The following AUH variants were observed in gnomAD, a reference collection of about 807,000 sequenced individuals.
AUH encodes the protein methylglutaconyl-CoA hydratase, mitochondrial.
AUH carries 29 observed loss-of-function variants against 42.3 expected under a neutral mutation model. The observed-to-expected ratio is 0.69, with a 90% CI of 0.51 to 0.93. AUH has a LOEUF of 0.93. AUH is among the 40% of genes least tolerant of loss of function. AUH has a pLI of 0.00. For missense variants in AUH, 452 were observed against 438.1 expected, an observed-to-expected ratio of 1.03 and a Z score of -0.28; for synonymous variants, 174 against 166.4, an observed-to-expected ratio of 1.05 and a Z score of -0.35.
chr9:91,266,427 A>G (rs1452826021), intron 6 of AUH, among the ~76,000 whole-genome samples: 1 of 152,158 alleles, frequency 6.6e-6, no homozygotes, highest in Non-Finnish European at 1.5e-5. Context: ...AATCACACAC[A>G]AAAGTAGGGT....
intron 6 of AUH, among the ~76,000 whole-genome samples, chr9:91,221,663 C>T (rs1056459020): frequency 2.0e-5 from 3 of 151,952 alleles, no homozygotes; most frequent in Admixed American, 1.3e-4. Flanking sequence ...TTGGTTTTGA[C>T]GTTGTCACTT....
chr9:91,260,400 CTTCT>C (rs139405778), intron 6 of AUH, among the ~76,000 whole-genome samples: 10,843 of 152,094 alleles, frequency 0.071, 654 homozygotes, highest in East Asian at 0.25. Flanking sequence ...GTTACTTGCT[CTTCT>C]TTCTTTTCCT....
chr9:91,323,617 G>A (rs1017969704), intron 4 of AUH, among the ~76,000 whole-genome samples: 27 of 149,832 alleles, frequency 1.8e-4, no homozygotes, highest in African/African-American at 5.7e-4. Context: ...GCGAGACTCC[G>A]GCTCAAAAAA....
chr9:91,312,715 G>T (rs1240256710), intron 4 of AUH, among the ~76,000 whole-genome samples: 1 of 152,138 alleles, frequency 6.6e-6, no homozygotes, highest in Non-Finnish European at 1.5e-5. Context: ...AACAGAGTGG[G>T]ACCCTATCTT....
intron 3 of AUH, among the ~76,000 whole-genome samples, chr9:91,345,854 C>T (rs1271943241): frequency 7.3e-6 from 1 of 136,910 alleles, no homozygotes; most frequent in Non-Finnish European, 1.6e-5. Context: ...AAAAAAAGTA[C>T]CCAGAGAACC....
chr9:91,336,889 C>T (rs902940113), intron 3 of AUH, among the ~76,000 whole-genome samples: 1 of 152,168 alleles, frequency 6.6e-6, no homozygotes, highest in African/African-American at 2.4e-5. Flanking sequence ...ATATTCTTTG[C>T]TCCCTAATTG....
intron 6 of AUH, among the ~76,000 whole-genome samples, chr9:91,239,051 T>C (rs1828350267): frequency 6.6e-6 from 1 of 152,218 alleles, no homozygotes; most frequent in African/African-American, 2.4e-5. Flanking sequence ...CATTTCACAT[T>C]CAATTACAAT....
intron 6 of AUH, among the ~76,000 whole-genome samples, chr9:91,275,268 G>C (rs1825450381): frequency 6.6e-6 from 1 of 152,174 alleles, no homozygotes. Flanking sequence ...CCCTGCTCCA[G>C]GGCTCCAAAT....
At chr9:91,351,882 C>G (rs10991896) in intron 3 of AUH, among the ~76,000 whole-genome samples, 10,728 of 152,220 alleles carry the variant, frequency 0.07, 668 homozygotes, top group East Asian at 0.26. Flanking sequence ...AGGCTACAAA[C>G]CTGTACAGTG....
rs138409041 is a variant in AUH, at chr9:91,298,036, G to A, written c.546C>T (p.Leu182=). 7.4e-6 allele frequency: 12 copies of A among 1,613,826 alleles called. No homozygotes were observed. The African/African-American group carries it at 1.1e-4, about 14-fold the overall frequency. ...CCAGTTCAAGACCACCACCTAAAGC[G>A]AGTCCATCTATTGCTGCAATTGTTG... The part of the protein sequence containing the change: ...PVPTIAAIDG[L]ALGGGLELAL... Residue 182 remains leucine (L), a synonymous_variant, in exon 5 of 10, where the codon CTC becomes CTT. Coordinates refer to ENST00000375731, the MANE Select transcript of AUH (RefSeq NM_001698.3).
chr9:91,319,286 T>G, intron 4 of AUH, among the ~76,000 whole-genome samples: 1 of 152,248 alleles, frequency 6.6e-6, no homozygotes, highest in East Asian at 1.9e-4. Flanking sequence ...AATGCTTAGC[T>G]ATTTATCATC....
At chr9:91,313,654 G>A (rs923976698) in intron 4 of AUH, among the ~76,000 whole-genome samples, 10 of 143,746 alleles carry the variant, frequency 7.0e-5, no homozygotes, top group Non-Finnish European at 1.3e-4. Context: ...GCAGTGAGCC[G>A]AGATTGCGCC....
chr9:91,319,988 G>C (rs1004377654), intron 4 of AUH, among the ~76,000 whole-genome samples: 1 of 152,054 alleles, frequency 6.6e-6, no homozygotes, highest in Admixed American at 6.6e-5. Context: ...CCCCTGGGTC[G>C]AATTCTTTCT....
At chr9:91,244,247 A>G (rs1233827677) in intron 6 of AUH, among the ~76,000 whole-genome samples, 1 of 152,214 alleles carries the variant, frequency 6.6e-6, no homozygotes, top group Non-Finnish European at 1.5e-5. Context: ...CAGTTGGGTA[A>G]TTTATAAAAA....
intron 4 of AUH, among the ~76,000 whole-genome samples, chr9:91,304,865 C>A (rs1355000040): frequency 6.6e-6 from 1 of 152,098 alleles, no homozygotes; most frequent in Non-Finnish European, 1.5e-5. Flanking sequence ...ACTTGTGCAC[C>A]AAGTAACAGA....
intron 6 of AUH, among the ~76,000 whole-genome samples, chr9:91,246,019 G>C (rs1285457853): frequency 1.3e-5 from 2 of 152,172 alleles, no homozygotes; most frequent in Non-Finnish European, 2.9e-5. Context: ...ATTAAGCAAA[G>C]GGTGTGTCTC....
chr9:91,353,710 C>T (rs1007265808), intron 3 of AUH, among the ~76,000 whole-genome samples: 1 of 149,968 alleles, frequency 6.7e-6, no homozygotes, highest in African/African-American at 2.5e-5. Context: ...TGGTGGCGGG[C>T]GCCTGTAGTT....
chr9:91,245,432 T>C (rs1201607843), intron 6 of AUH, among the ~76,000 whole-genome samples: 1 of 152,168 alleles, frequency 6.6e-6, no homozygotes, highest in East Asian at 1.9e-4. Flanking sequence ...AAGACAGCCA[T>C]TTTGGTTTTT....
At chr9:91,341,512 T>C (rs1003365026) in intron 3 of AUH, among the ~76,000 whole-genome samples, 4 of 152,260 alleles carry the variant, frequency 2.6e-5, no homozygotes, top group African/African-American at 9.6e-5. Context: ...CTTCTATTTA[T>C]AAGACTGACA....
Sources: gnomAD v4.1 joint callset for allele counts (sites outside exome capture counted in the v4.1 genomes callset) on GRCh38, gnomAD v4.1.1 for gene constraint, MANE v1.5 for transcripts, NCBI Gene and HGNC (gene_info 2026-07-23, HGNC 2026-07-21) for gene names.